Variants in TLR3 observed in about 807,000 individuals in gnomAD.
The protein encoded by TLR3 is toll like receptor 3.
Under a neutral mutation model 66.4 loss-of-function variants are expected in TLR3, and 43 were observed. The observed-to-expected ratio is 0.65, with a 90% confidence interval of 0.51 to 0.83. TLR3 has a LOEUF of 0.83. Ranked by LOEUF, TLR3 falls within the 40% of genes least tolerant of loss-of-function variation. TLR3 has a pLI of 0.00. For synonymous variants in TLR3, 397 were observed against 397.2 expected (o/e 1.00, Z 0.01); for missense variants, 982 against 1,044.6 (o/e 0.94, Z 0.83).
intron 3 of TLR3, chr4:186,082,095 C>G (rs918128990): frequency 3.1e-5 from 17 of 548,078 alleles, no homozygotes; most frequent in Non-Finnish European, 5.4e-5. Context: ...CGTGGTGGCG[C>G]ATGCCTGTAA....
At position 186,085,148 on chromosome 4, in the gene TLR3, C is replaced by T; in HGVS notation, c.*275C>T. On this transcript the variant is annotated 3_prime_UTR_variant, in exon 5 of 5. Transcript: ENST00000296795. ...CAATCAGCCACTGAGCCTATGACAG[C>T]TTAAGGAGTTTGAAAACATTCCTCA... 1 of 409,444 alleles carries T rather than the reference C, an allele frequency of 2.4e-6. No homozygotes were observed. Among genetic ancestry groups the T allele is most frequent in the South Asian group, 3.0e-5 (1 of 33,814 alleles). 25.4% of individuals were successfully genotyped at this position (409,444 alleles called of 1,614,324 possible).
At position 186,082,701 on chromosome 4, in the gene TLR3, T is replaced by G. The variant is rs752833190; in HGVS notation, c.1015T>G (p.Ser339Ala). The change falls in exon 4 of 5, where the codon TCC (serine) becomes GCC (alanine). Residue 339 changes from serine to alanine, a missense_variant. By Grantham distance (99) the Ser-to-Ala change is moderately conservative. Coordinates refer to ENST00000296795, the MANE Select transcript of TLR3 (RefSeq NM_003265.3). ...LKRSFTKQSI[S>A]LASLPKIDDF... ...ACGGTCTTTTACTAAACAAAGTATT[T>G]CCCTTGCCTCACTCCCCAAGATTGA... 37 of 1,613,972 alleles carry G rather than the reference T, an allele frequency of 2.3e-5. No homozygotes were observed. Among genetic ancestry groups the G allele is most frequent in the Admixed American group, 6.7e-5 (4 of 59,996 alleles).
At chr4:186,071,256 G>A (rs2099301421) in intron 1 of TLR3, among the ~76,000 whole-genome samples, 2 of 152,194 alleles carry the variant, frequency 1.3e-5, no homozygotes, top group Admixed American at 1.3e-4. Context: ...AATGTCTTCA[G>A]ATGGGGCAAG....
Position 186,082,382 on chromosome 4 carries a change from G to T in TLR3, c.696G>T (p.Gln232His). ...RLFGLFLNNV[Q>H]LGPSLTEKLC... ...TTGGCCTCTTTCTGAACAATGTCCA[G>T]CTGGGTCCCAGCCTTACAGAGAAGC... The change falls in exon 4 of 5, where the codon CAG (glutamine) becomes CAT (histidine). Residue 232 changes from glutamine (Q) to histidine (H), a missense_variant. Gln to His is a conservative substitution (Grantham distance 24). Coordinates refer to ENST00000296795, the MANE Select transcript of TLR3 (RefSeq NM_003265.3). 1 of 1,613,908 alleles carries T rather than the reference G, an allele frequency of 6.2e-7. No homozygotes were observed. The highest frequency in any genetic ancestry group is 8.5e-7 in the Non-Finnish European group (1 of 1,180,008).
At chr4:186,079,147 T>G in intron 3 of TLR3, 116 bp downstream of exon 3, 1 of 972,524 alleles carries the variant, frequency 1.0e-6, no homozygotes, top group Non-Finnish European at 1.6e-6. Flanking sequence ...CCAGCAATCC[T>G]TCCCACCTAC....
rs554658931 is a variant in TLR3 at position 186,082,644 on chromosome 4, G to A, written c.958G>A (p.Gly320Arg). 8.9e-5 allele frequency: 143 copies of A among 1,613,724 alleles called. No homozygotes were observed. Among genetic ancestry groups the A allele is most frequent in the Middle Eastern group, 1.6e-4 (1 of 6,084 alleles). Residue 320 changes from glycine (G) to arginine (R), a missense_variant, in exon 4 of 5, where the codon GGG becomes AGG. Around this residue, in one of 3 missense-constraint regions of TLR3, gnomAD observed 666 missense variants for 709.0 expected, o/e 0.94. Coordinates refer to ENST00000296795, the MANE Select transcript of TLR3 (RefSeq NM_003265.3). ...GCATTTGTTTTCTCACTCTTTGCACGGGCTTTTCAATGTGAGGTACCTGAA... is the reference window on the plus strand; with the variant it reads ...GCATTTGTTTTCTCACTCTTTGCACAGGCTTTTCAATGTGAGGTACCTGAA... ...IQHLFSHSLH[G>R]LFNVRYLNLK...
At chr4:186,079,713 G>A (rs2099303092) in intron 3 of TLR3, among the ~76,000 whole-genome samples, 1 of 152,194 alleles carries the variant, frequency 6.6e-6, no homozygotes, top group Non-Finnish European at 1.5e-5. Flanking sequence ...CAACTATCTG[G>A]ACCGGTGGCA....
intron 1 of TLR3, among the ~76,000 whole-genome samples, chr4:186,072,885 G>A (rs7657186): frequency 0.21 from 32,627 of 152,164 alleles, 3,649 homozygotes; most frequent in Middle Eastern, 0.28. Context: ...AGACAACACC[G>A]TATGGAATAA....
In TLR3 at chr4:186,084,149, A is replaced by G. The variant is rs1410584059; in HGVS notation, c.2463A>G (p.Leu821=). The G allele has an allele frequency of 2.5e-6, 4 of 1,613,924 alleles. No individual in the cohort carries two copies. Among genetic ancestry groups the G allele is most frequent in the Non-Finnish European group, 3.4e-6 (4 of 1,180,008 alleles). ...TTATTTTTGTTATAACACACCATCT[A>G]TTAAAAGACCCATTATGCAAAAGGT... ...RKIIFVITHH[L]LKDPLCKRFK... Residue 821 remains leucine (L), a synonymous_variant, in exon 4 of 5, where the codon CTA becomes CTG. Coordinates refer to ENST00000296795, the MANE Select transcript of TLR3 (RefSeq NM_003265.3).
At chr4:186,073,372 T>G (rs532008199) in intron 1 of TLR3, among the ~76,000 whole-genome samples, 8 of 152,088 alleles carry the variant, frequency 5.3e-5, no homozygotes, top group African/African-American at 1.9e-4. Context: ...ATATAAAAAT[T>G]AGCCAGGCAT....
rs780051344 is a variant in TLR3, at chr4:186,082,437, C to G, written c.751C>G (p.Arg251Gly). 7.4e-6 allele frequency: 12 copies of G among 1,614,062 alleles called. No homozygotes were observed. The highest frequency in any genetic ancestry group is 1.6e-4 in the Middle Eastern group (1 of 6,062). The change falls in exon 4 of 5, where the codon CGG (arginine) becomes GGG (glycine). Residue 251 changes from arginine to glycine, a missense_variant. Physicochemically the swap from Arg to Gly is moderately radical, Grantham distance 125 (BLOSUM62 -2). Coordinates refer to ENST00000296795, the MANE Select transcript of TLR3 (RefSeq NM_003265.3). The part of the protein sequence containing the change: ...LCLELANTSI[R>G]NLSLSNSQLS... ...TTTGGAATTAGCAAACACAAGCATT[C>G]GGAATCTGTCTCTGAGTAACAGCCA... is the stretch of plus-strand genomic sequence containing the variant.
chr4:186,085,349 CTT>C lies in TLR3; in HGVS notation c.*478_*479del, dbSNP rs2099304192. 1 of 156,522 alleles carries C rather than the reference CTT, an allele frequency of 6.4e-6. No individual in the cohort carries two copies. The highest frequency in any genetic ancestry group is 6.3e-5 in the Admixed American group (1 of 15,902). 9.7% of individuals were successfully genotyped at this position (156,522 alleles called of 1,614,324 possible). A position where few individuals can be genotyped will look rare whatever the true frequency, so the allele number is the denominator to read the frequency against. ...TTACAGTATTTTTTCAATGGAAAAACTTTGTATTTTAGTAAGTACTTGTCTCA... is the reference window on the plus strand; with the variant it reads ...TTACAGTATTTTTTCAATGGAAAAACTGTATTTTAGTAAGTACTTGTCTCA... On this transcript the variant is annotated 3_prime_UTR_variant, in exon 5 of 5. Coordinates refer to ENST00000296795, the MANE Select transcript of TLR3 (RefSeq NM_003265.3).
At chr4:186,079,661 T>A (rs35990575) in intron 3 of TLR3, among the ~76,000 whole-genome samples, 34,361 of 152,132 alleles carry the variant, frequency 0.23, 4,020 homozygotes, top group Admixed American at 0.28. Context: ...CTTTTTGGAA[T>A]CATGATCTTC....
chr4:186,075,589 C>A (rs1268967949), intron 1 of TLR3, among the ~76,000 whole-genome samples: 1 of 151,922 alleles, frequency 6.6e-6, no homozygotes, highest in Admixed American at 6.6e-5. Context: ...ATGATAGTAC[C>A]ACTGTACTCC....
At position 186,085,075 on chromosome 4, in the gene TLR3, A is replaced by C; in HGVS notation, c.*202A>C. On this transcript the variant is annotated 3_prime_UTR_variant, in exon 5 of 5. Transcript: ENST00000296795. ...TTTGACAATTGACTTAATTTTACCC[A>C]AAATAAAACATATAAGCACGTAAGA... 1.7e-6 allele frequency: 1 copy of C among 591,014 alleles called. No homozygotes were observed. Among genetic ancestry groups the C allele is most frequent in the South Asian group, 2.1e-5 (1 of 48,554 alleles). 36.6% of individuals were successfully genotyped at this position (591,014 alleles called of 1,614,324 possible).
rs1340787645 is a variant in TLR3, at chr4:186,087,279, C to T, written c.*2406C>T. 1 of 152,106 alleles carries T rather than the reference C, an allele frequency of 6.6e-6. No individual in the cohort carries two copies. Among genetic ancestry groups the T allele is most frequent in the African/African-American group, 2.4e-5 (1 of 41,396 alleles). 9.4% of individuals were successfully genotyped at this position (152,106 alleles called of 1,614,324 possible). Reference sequence around the variant, plus strand: ...GAGGTTAAGATGCACAGGTAATGACCTCTAAATGAATGCCAATAAAAATAG... The same window carrying T: ...GAGGTTAAGATGCACAGGTAATGACTTCTAAATGAATGCCAATAAAAATAG... On this transcript the variant is annotated 3_prime_UTR_variant, in exon 5 of 5. Coordinates refer to ENST00000296795, the MANE Select transcript of TLR3 (RefSeq NM_003265.3).
rs141301618 is a variant in TLR3 at position 186,082,679 on chromosome 4, G to C, written c.993G>C (p.Arg331=). 18 of 1,613,794 alleles carry C rather than the reference G, an allele frequency of 1.1e-5. No homozygotes were observed. Among genetic ancestry groups the C allele is most frequent in the Non-Finnish European group, 1.4e-5 (16 of 1,179,872 alleles). The change falls in exon 4 of 5, where the codon CGG becomes CGC. Residue 331 remains arginine (R), a synonymous_variant. Coordinates refer to ENST00000296795, the MANE Select transcript of TLR3 (RefSeq NM_003265.3). The stretch of plus-strand genomic sequence containing the variant: ...ATGTGAGGTACCTGAATTTGAAACG[G>C]TCTTTTACTAAACAAAGTATTTCCC... The part of the protein sequence containing the change: ...LFNVRYLNLK[R]SFTKQSISLA...
intron 3 of TLR3, chr4:186,082,063 A>G (rs1424507650): frequency 4.3e-6 from 2 of 467,582 alleles, no homozygotes; most frequent in Admixed American, 7.3e-5. Flanking sequence ...CGACTCTACT[A>G]AAAATACAAA....
chr4:186,073,463 T>A (rs2099301853), intron 1 of TLR3, among the ~76,000 whole-genome samples: 2 of 151,702 alleles, frequency 1.3e-5, no homozygotes, highest in Admixed American at 1.3e-4. Context: ...GAGACTGCAG[T>A]GAGCCAAGAT....
Sources: allele counts gnomAD v4.1 joint callset (sites outside exome capture counted in the v4.1 genomes callset), GRCh38; gene constraint gnomAD v4.1.1; regional missense constraint gnomAD v4.1.1; transcripts MANE v1.5; gene names NCBI Gene and HGNC (gene_info 2026-07-23, HGNC 2026-07-21).